ICA1L: variants seen among roughly 807,000 people sequenced by gnomAD.
ICA1L encodes islet cell autoantigen 1-like protein.
In ICA1L, 50 loss-of-function variants were observed where a neutral mutation model predicts 61.3. The ratio of observed to expected loss-of-function variants is 0.82; its 90% confidence interval spans 0.65 to 1.03. The LOEUF is 1.03. Ranked by LOEUF, ICA1L falls within the 50% of genes least tolerant of loss-of-function variation. ICA1L has a pLI of 0.00. For synonymous variants in ICA1L, 161 were observed against 191.3 expected, an observed-to-expected ratio of 0.84 and a Z score of 1.31; for missense variants, 508 against 556.7, an observed-to-expected ratio of 0.91 and a Z score of 0.88.
chr2:202,834,279 C>T (rs1461720740), intron 1 of ICA1L, among the ~76,000 whole-genome samples: 1 of 152,044 alleles, frequency 6.6e-6, no homozygotes, highest in East Asian at 1.9e-4. Flanking sequence ...TGTTAAATGT[C>T]CTGGTAAATA....
At chr2:202,779,760 G>GACAATAATAAGACA (rs1692336742) in intron 12 of ICA1L, 112 bp from the exon 13 acceptor site, 1 of 603,452 alleles carries the variant, frequency 1.7e-6, no homozygotes, top group Non-Finnish European at 2.9e-6. Flanking sequence ...AAAAAATTAA[G>GACAATAATAAGACA]ATAACTGACA....
intron 1 of ICA1L, 55 bp from the exon 2 acceptor site, chr2:202,829,071 G>A: frequency 7.0e-7 from 1 of 1,427,376 alleles, no homozygotes; most frequent in South Asian, 1.4e-5. Flanking sequence ...ATAATAGGCT[G>A]GGCACGGTGG....
rs1431577951 is a variant in ICA1L, at chr2:202,786,016, AAAG to A, written c.1244-12_1244-10del. 1.3e-6 allele frequency: 2 copies of A among 1,522,236 alleles called. No individual in the cohort carries two copies. Among genetic ancestry groups the A allele is most frequent in the South Asian group, 1.2e-5 (1 of 85,148 alleles). The allele number at this position is 1,522,236 out of a possible 1,614,324, so 94.3% of individuals were successfully genotyped here. On this transcript the variant is annotated splice_polypyrimidine_tract_variant and intron_variant, in intron 11 of 12. Coordinates refer to ENST00000358299, the MANE Select transcript of ICA1L (RefSeq NM_001288622.3). ...CTCTTGGGAGACCCAGTCTGGGATAAAAGAAGTAAAAATTGTCCATTGTTAATC... is the reference window on the plus strand; with the variant it reads ...CTCTTGGGAGACCCAGTCTGGGATAAAAGTAAAAATTGTCCATTGTTAATC...
intron 9 of ICA1L, among the ~76,000 whole-genome samples, chr2:202,798,259 G>A (rs1692989901): frequency 6.6e-6 from 1 of 151,982 alleles, no homozygotes; most frequent in Admixed American, 6.6e-5. Context: ...AAAGGGTCAT[G>A]CTCTGTTACC....
At chr2:202,797,083 CA>C in intron 9 of ICA1L, 119 bp from the exon 10 acceptor site, 1 of 551,242 alleles carries the variant, frequency 1.8e-6, no homozygotes, top group Non-Finnish European at 3.1e-6. Context: ...CGAAAACATA[CA>C]AAAGGGAAAC....
chr2:202,852,412 T>A (rs2105881933), intron 1 of ICA1L, among the ~76,000 whole-genome samples: 1 of 152,204 alleles, frequency 6.6e-6, no homozygotes, highest in Non-Finnish European at 1.5e-5. Context: ...GGCTTACACC[T>A]GTAATCCCAG....
At chr2:202,869,115 T>C (rs1375463911) in intron 1 of ICA1L, among the ~76,000 whole-genome samples, 1 of 151,778 alleles carries the variant, frequency 6.6e-6, no homozygotes, top group Non-Finnish European at 1.5e-5. Context: ...ATCCCAGTAC[T>C]TTGGGAGGCT....
At chr2:202,803,796 G>C (rs1422762651) in intron 9 of ICA1L, among the ~76,000 whole-genome samples, 1 of 152,026 alleles carries the variant, frequency 6.6e-6, no homozygotes, top group Admixed American at 6.5e-5. Context: ...CCAAAGTGCC[G>C]GGATTACAGG....
intron 1 of ICA1L, among the ~76,000 whole-genome samples, chr2:202,835,529 T>C (rs1303850625): frequency 6.6e-6 from 1 of 150,446 alleles, no homozygotes; most frequent in Non-Finnish European, 1.5e-5. Context: ...AGTTTGTTGT[T>C]AGTATGTAGA....
Position 202,817,409 on chromosome 2 carries a change from G to A in ICA1L, c.684+9C>T, listed in dbSNP as rs368122258. On this transcript the variant is annotated intron_variant, in intron 6 of 12. Coordinates refer to ENST00000358299, the MANE Select transcript of ICA1L (RefSeq NM_001288622.3). Reference sequence around the variant, plus strand: ...ACTGCAAGGATATGCTGACCATGGAGGTGGGTACCTGGTAGGTAGTGAGCG... The same window carrying A: ...ACTGCAAGGATATGCTGACCATGGAAGTGGGTACCTGGTAGGTAGTGAGCG... 2 of 1,567,232 alleles carry A rather than the reference G, an allele frequency of 1.3e-6. No individual in the cohort carries two copies. Among genetic ancestry groups the A allele is most frequent in the Non-Finnish European group, 1.7e-6 (2 of 1,155,584 alleles).
chr2:202,805,195 T>C (rs1251169452), intron 9 of ICA1L, among the ~76,000 whole-genome samples: 1 of 152,104 alleles, frequency 6.6e-6, no homozygotes, highest in East Asian at 1.9e-4. Context: ...AGTGGTTAGC[T>C]AGGGGTGGGA....
chr2:202,773,684 A>G lies in ICA1L; in HGVS notation c.*5849T>C, dbSNP rs1361586290. ...TTTCAGAGATAGATGCCCAAGAGCT[A>G]TCATTAATATATACAGCATATTGAC... On this transcript the variant is annotated 3_prime_UTR_variant, in exon 13 of 13. Transcript: ENST00000358299. 5 of 865,160 alleles carry G rather than the reference A, an allele frequency of 5.8e-6. No homozygotes were observed. Among genetic ancestry groups the G allele is most frequent in the South Asian group, 4.8e-5 (3 of 63,138 alleles). The allele number at this position is 865,160 out of a possible 1,614,324, so 53.6% of individuals were successfully genotyped here.
Position 202,828,976 on chromosome 2 carries a change from T to C in ICA1L, c.34A>G (p.Asn12Asp), listed in dbSNP as rs1467270347. Residue 12 changes from asparagine (N) to aspartate (D), a missense_variant, in exon 2 of 13, where the codon AAT becomes GAT. Physicochemically the swap from Asn to Asp is conservative, Grantham distance 23 (BLOSUM62 1). Transcript: ENST00000358299. Reference protein sequence around the residue: ...DSFGQPRPEDNQSVVRRMQKK... With the variant: ...DSFGQPRPEDDQSVVRRMQKK... ...TGCATTCTTCTGACTACTGACTGAT[T>C]ATCTTCTGGTCTGGGTTGCCCAAAG... 1 of 1,603,162 alleles carries C rather than the reference T, an allele frequency of 6.2e-7. No individual in the cohort carries two copies. The highest frequency in any genetic ancestry group is 2.2e-5 in the East Asian group (1 of 44,586).
intron 1 of ICA1L, among the ~76,000 whole-genome samples, chr2:202,867,143 A>G (rs927476591): frequency 6.6e-6 from 1 of 152,236 alleles, no homozygotes; most frequent in African/African-American, 2.4e-5. Flanking sequence ...ACGTACACAC[A>G]CATATGAACA....
At chr2:202,782,643 G>A (rs1692449924) in intron 12 of ICA1L, among the ~76,000 whole-genome samples, 1 of 151,892 alleles carries the variant, frequency 6.6e-6, no homozygotes, top group Non-Finnish European at 1.5e-5. Flanking sequence ...TCCTGACCTC[G>A]TGATCTGCCC....
At chr2:202,804,582 G>A (rs1210264226) in intron 9 of ICA1L, among the ~76,000 whole-genome samples, 3 of 152,064 alleles carry the variant, frequency 2.0e-5, no homozygotes, top group Admixed American at 6.6e-5. Flanking sequence ...ATTTAACAGT[G>A]GAAGATTTTA....
intron 10 of ICA1L, among the ~76,000 whole-genome samples, chr2:202,794,780 C>A (rs1011958624): frequency 6.6e-6 from 1 of 151,576 alleles, no homozygotes; most frequent in Admixed American, 6.6e-5. Flanking sequence ...AAATAAACAA[C>A]GGGAAGTGTT....
At chr2:202,802,595 C>T (rs762318954) in intron 9 of ICA1L, among the ~76,000 whole-genome samples, 23 of 151,510 alleles carry the variant, frequency 1.5e-4, no homozygotes, top group Non-Finnish European at 2.1e-4. Flanking sequence ...ATCCTAAAAA[C>T]GGCCAGATAC....
intron 5 of ICA1L, among the ~76,000 whole-genome samples, chr2:202,817,876 G>T (rs1375146765): frequency 6.6e-6 from 1 of 152,100 alleles, no homozygotes; most frequent in African/African-American, 2.4e-5. Flanking sequence ...AAGAGCAGAA[G>T]AATAAATGGA....
Sources: gnomAD v4.1 joint callset for allele counts (sites outside exome capture counted in the v4.1 genomes callset) on GRCh38, gnomAD v4.1.1 for gene constraint, MANE v1.5 for transcripts, NCBI Gene and HGNC (gene_info 2026-07-23, HGNC 2026-07-21) for gene names.